The following MAEA variants were observed in gnomAD, a reference collection of about 807,000 sequenced individuals.
The protein encoded by MAEA is E3 ubiquitin-protein transferase MAEA.
MAEA carries 22 observed loss-of-function variants against 46.2 expected under a neutral mutation model. That is an observed-to-expected ratio of 0.48 (90% CI 0.34 to 0.68). The LOEUF (loss-of-function observed/expected upper bound fraction) is 0.68, where lower values mean the gene tolerates loss of function less well. MAEA is among the 30% of genes least tolerant of loss of function. The pLI, the probability that MAEA is intolerant of heterozygous loss-of-function variation, is 0.01. For synonymous variants in MAEA, 246 were observed against 222.6 expected (o/e 1.11, Z -0.94); for missense variants, 393 against 558.1 (o/e 0.70, Z 2.98).
intron 3 of MAEA, among the ~76,000 whole-genome samples, chr4:1,320,987 C>T (rs1303895215): frequency 6.6e-6 from 1 of 152,236 alleles, no homozygotes; most frequent in Non-Finnish European, 1.5e-5. Context: ...GTAGTCCCAG[C>T]TACCCGGGAG....
Position 1,339,066 on chromosome 4 carries a change from T to A in MAEA, c.1096-8T>A. ...TTGCCTTAATGCATTCCCGGTTTTA[T>A]TTTTCAGTCTCTGCTTTCTATCCGT... On this transcript the variant is annotated splice_region_variant and splice_polypyrimidine_tract_variant and intron_variant, in intron 8 of 8. Coordinates refer to ENST00000303400, the MANE Select transcript of MAEA (RefSeq NM_001017405.3). 1 of 1,611,494 alleles carries A rather than the reference T, an allele frequency of 6.2e-7. No individual in the cohort carries two copies. Among genetic ancestry groups the A allele is most frequent in the Non-Finnish European group, 8.5e-7 (1 of 1,177,708 alleles).
At chr4:1,327,553 T>A in intron 4 of MAEA, 74 bp from the exon 5 acceptor site, 1 of 984,558 alleles carries the variant, frequency 1.0e-6, no homozygotes, top group Non-Finnish European at 1.6e-6. Context: ...CTGGTGGACA[T>A]GCGGGTGCGG....
In MAEA at chr4:1,339,363, T is replaced by G. The variant is rs1213862159; in HGVS notation, c.*194T>G. On this transcript the variant is annotated 3_prime_UTR_variant, in exon 9 of 9. Coordinates refer to ENST00000303400, the MANE Select transcript of MAEA (RefSeq NM_001017405.3). ...AGTTTGTACTTGAAAACATTTGGATTGGTAGGATTTTGTAACACGTCAACC... is the reference window on the plus strand; with the variant it reads ...AGTTTGTACTTGAAAACATTTGGATGGGTAGGATTTTGTAACACGTCAACC... 1 of 580,026 alleles carries G rather than the reference T, an allele frequency of 1.7e-6. No individual in the cohort carries two copies. Among genetic ancestry groups the G allele is most frequent in the Admixed American group, 3.2e-5 (1 of 31,074 alleles). The allele number at this position is 580,026 out of a possible 1,614,324, so 35.9% of individuals were successfully genotyped here. A position where few individuals can be genotyped will look rare whatever the true frequency, so the allele number is the denominator to read the frequency against.
At chr4:1,309,469 T>G in intron 1 of MAEA, 2 of 1,304,894 alleles carry the variant, frequency 1.5e-6, no homozygotes, top group African/African-American at 1.5e-5. Context: ...GGGGCGTGGA[T>G]GTGGGGAGGA....
intron 1 of MAEA, among the ~76,000 whole-genome samples, chr4:1,295,824 G>A (rs1295165480): frequency 1.1e-4 from 5 of 44,766 alleles, no homozygotes; most frequent in Non-Finnish European, 1.1e-4. Flanking sequence ...CCTCACCCAC[G>A]CCTGTGCCCT....
In MAEA at chr4:1,332,970, A is replaced by T. The variant is rs559694356; in HGVS notation, c.765+105A>T. On this transcript the variant is annotated intron_variant, in intron 6 of 8. Coordinates refer to ENST00000303400, the MANE Select transcript of MAEA (RefSeq NM_001017405.3). ...ACGTGGGGCGGGACGTGAGGGCCCC[A>T]TCCCAGCCACACAGCCTGTCCAGCC... is the stretch of plus-strand genomic sequence containing the variant. 1.2e-4 allele frequency: 89 copies of T among 739,594 alleles called. No individual in the cohort carries two copies. The African/African-American group carries it at 1.5e-3, about 13-fold the overall frequency. The allele number at this position is 739,594 out of a possible 1,614,324, so 45.8% of individuals were successfully genotyped here.
In MAEA at chr4:1,311,954, C is replaced by T. The variant is rs1167258650; in HGVS notation, c.70-25C>T. On this transcript the variant is annotated intron_variant, in intron 1 of 8. Transcript: ENST00000303400. The surrounding 1 kb of genome is among the most constrained non-coding windows in gnomAD (Gnocchi z 4.4). ...GGGGCTCACACCAGGGGAGCAGATC[C>T]CTCACCATCCTCCTTCCTCTCCAGG... 3.8e-6 allele frequency: 6 copies of T among 1,591,246 alleles called. No homozygotes were observed. Among genetic ancestry groups the T allele is most frequent in the Non-Finnish European group, 5.2e-6 (6 of 1,164,266 alleles).
chr4:1,303,967 G>T (rs1424840848), intron 1 of MAEA, among the ~76,000 whole-genome samples: 2 of 150,486 alleles, frequency 1.3e-5, no homozygotes, highest in Admixed American at 6.6e-5. Flanking sequence ...AGGGCAGGGG[G>T]CGTCCGTGGT....
chr4:1,310,012 G>A (rs991825474), intron 1 of MAEA: 23 of 1,208,428 alleles, frequency 1.9e-5, no homozygotes, highest in Non-Finnish European at 2.4e-5. Context: ...CGGATGCTGT[G>A]TGGGTTCCTC....
intron 1 of MAEA, among the ~76,000 whole-genome samples, chr4:1,301,348 A>T (rs1473049617): frequency 1.2e-4 from 19 of 152,238 alleles, no homozygotes; most frequent in Admixed American, 1.2e-3. Flanking sequence ...TGACGAAATC[A>T]GGGAGGATTA....
chr4:1,337,235 G>A (rs1712893543), intron 7 of MAEA: 1 of 542,814 alleles, frequency 1.8e-6, no homozygotes, highest in South Asian at 2.2e-5. Context: ...TCATCTCAGA[G>A]GCCGCCATGG....
chr4:1,298,260 C>G (rs1734964001), intron 1 of MAEA: 1 of 368,400 alleles, frequency 2.7e-6, no homozygotes, highest in Non-Finnish European at 5.5e-6. Context: ...TCATTTGTGC[C>G]CCGCCCAAGG....
At chr4:1,292,049 T>C (rs1734153792) in intron 1 of MAEA, among the ~76,000 whole-genome samples, 1 of 152,172 alleles carries the variant, frequency 6.6e-6, no homozygotes, top group African/African-American at 2.4e-5. Context: ...AGCTCACAGC[T>C]CAAGAGCTGC....
rs112607394 is a variant in MAEA at position 1,300,832 on chromosome 4, G to C, written c.69+10850G>C. ...GTTACATCCCCTCAGAAGTTGACTGGAAGTGTCATTTTTTCAAGAAGCCTC... is the reference window on the plus strand; with the variant it reads ...GTTACATCCCCTCAGAAGTTGACTGCAAGTGTCATTTTTTCAAGAAGCCTC... On this transcript the variant is annotated intron_variant, in intron 1 of 8. Coordinates refer to ENST00000303400, the MANE Select transcript of MAEA (RefSeq NM_001017405.3). Among the ~76,000 whole-genome samples, 1,162 of 152,352 alleles carry C rather than the reference G, an allele frequency of 7.6e-3. 13 individuals are homozygous for C. Among genetic ancestry groups the C allele is most frequent in the African/African-American group, 0.027 (1,105 of 41,576 alleles).
chr4:1,338,175 G>C lies in MAEA; in HGVS notation c.900-247G>C, dbSNP rs553153642. ...GCGGCGGGCGACGGAGCCACTCTGT[G>C]CCTGTGGTCCTGGTGCTGGAGGCCG... On this transcript the variant is annotated intron_variant, in intron 7 of 8. Transcript: ENST00000303400. 5.4e-5 allele frequency: 26 copies of C among 483,034 alleles called. No homozygotes were observed. In the South Asian group the frequency reaches 7.5e-4, roughly 14 times the overall value. 29.9% of individuals were successfully genotyped at this position (483,034 alleles called of 1,614,324 possible).
chr4:1,333,180 A>T (rs1040601628), intron 6 of MAEA, among the ~76,000 whole-genome samples: 16 of 151,810 alleles, frequency 1.1e-4, no homozygotes, highest in East Asian at 5.8e-4. Context: ...TACAAAAAAA[A>T]TTTTTTTGAA....
At chr4:1,298,383 C>T (rs964468008) in intron 1 of MAEA, among the ~76,000 whole-genome samples, 1 of 152,106 alleles carries the variant, frequency 6.6e-6, no homozygotes, top group Non-Finnish European at 1.5e-5. Flanking sequence ...TGGTTATCCA[C>T]GAAGAGGCAC....
chr4:1,336,763 G>C (rs1430058456), intron 6 of MAEA, 98 bp from the exon 7 acceptor site: 5 of 1,188,368 alleles, frequency 4.2e-6, no homozygotes. Flanking sequence ...GGATGGCTGT[G>C]GGCCGATGGC....
chr4:1,335,008 A>C (rs1264588820), intron 6 of MAEA: 1 of 984,786 alleles, frequency 1.0e-6, no homozygotes, highest in Non-Finnish European at 1.2e-6. Context: ...CCTGATGACC[A>C]CCTCCCCTCC....
Sources: gnomAD v4.1 joint callset for allele counts (sites outside exome capture counted in the v4.1 genomes callset) on GRCh38, gnomAD v4.1.1 for gene constraint, Gnocchi (gnomAD v3.1) non-coding constraint, MANE v1.5 for transcripts, NCBI Gene and HGNC (gene_info 2026-07-23, HGNC 2026-07-21) for gene names.